The following HOXB3 variants were observed in gnomAD, a reference collection of about 807,000 sequenced individuals.
HOXB3 encodes homeobox protein Hox-B3.
Under a neutral mutation model 29.2 loss-of-function variants are expected in HOXB3, and 17 were observed. The observed-to-expected ratio is 0.58, with a 90% CI of 0.40 to 0.87. HOXB3 has a LOEUF of 0.87. Among genes scored for constraint, HOXB3 ranks in the 40% least tolerant of loss-of-function variants. HOXB3 has a pLI of 0.00. For missense variants in HOXB3, 637 were observed against 616.3 expected, an observed-to-expected ratio of 1.03 and a Z score of -0.35; for synonymous variants, 317 against 285.9, an observed-to-expected ratio of 1.11 and a Z score of -1.10.
intron 1 of HOXB3, among the ~76,000 whole-genome samples, chr17:48,583,609 C>A (rs1567966310): frequency 6.6e-6 from 1 of 152,216 alleles, no homozygotes; most frequent in Non-Finnish European, 1.5e-5. Context: ...CCCCAAGGCA[C>A]CCAGCTTGGT....
chr17:48,566,296 T>C (rs936344128), intron 2 of HOXB3, among the ~76,000 whole-genome samples: 1 of 152,046 alleles, frequency 6.6e-6, no homozygotes, highest in Non-Finnish European at 1.5e-5. Context: ...AGGCATCACA[T>C]GGGGGATTTA....
At chr17:48,561,539 C>T (rs956860541) in intron 2 of HOXB3, among the ~76,000 whole-genome samples, 17 of 152,248 alleles carry the variant, frequency 1.1e-4, no homozygotes, top group African/African-American at 4.1e-4. Context: ...CTTCTATACC[C>T]AGATGCCCAC....
chr17:48,553,143 G>C (rs1308062049), intron 3 of HOXB3: 1 of 152,312 alleles, frequency 6.6e-6, no homozygotes, highest in East Asian at 1.9e-4. Context: ...GGAGAAGCAA[G>C]TTCAGCAGAG....
intron 1 of HOXB3, among the ~76,000 whole-genome samples, chr17:48,586,465 G>C (rs1212973237): frequency 2.6e-5 from 4 of 152,288 alleles, no homozygotes; most frequent in Non-Finnish European, 4.4e-5. Flanking sequence ...CGGTGTGGCC[G>C]GCGGCGCGTA....
At chr17:48,571,383 C>T (rs1209309615) in intron 2 of HOXB3, among the ~76,000 whole-genome samples, 1 of 152,240 alleles carries the variant, frequency 6.6e-6, no homozygotes, top group Non-Finnish European at 1.5e-5. Flanking sequence ...ACTGGGCAAC[C>T]CCCTCTGCCC....
rs749178051 is a variant in HOXB3, at chr17:48,580,316, C to CTTTT, written c.-424-6306_-424-6303dup. 9.2e-3 allele frequency: 926 copies of CTTTT among 101,186 alleles called. 22 individuals carry two copies. Among genetic ancestry groups the CTTTT allele is most frequent in the African/African-American group, 0.032 (797 of 25,288 alleles). The allele number at this position is 101,186 out of a possible 1,614,324, so 6.3% of individuals were successfully genotyped here. A position where few individuals can be genotyped will look rare whatever the true frequency, so the allele number is the denominator to read the frequency against. On this transcript the variant is annotated intron_variant, in intron 1 of 4. Coordinates refer to ENST00000498678, the MANE Select transcript of HOXB3 (RefSeq NM_001384749.1). ...TCGCGCCCCTCCCCTCCCCCCAGGA[C>CTTTT]TTTTTTTTTTTTTTTTTTTTTAGAA...
At chr17:48,565,012 G>C (rs1363322189) in intron 2 of HOXB3, among the ~76,000 whole-genome samples, 1 of 84,936 alleles carries the variant, frequency 1.2e-5, no homozygotes, top group Non-Finnish European at 3.0e-5. Flanking sequence ...GCTTGTTAAG[G>C]CTGGGAGTTT....
intron 3 of HOXB3, 75 bp from the exon 4 acceptor site, chr17:48,552,707 A>AACTG (rs2068813595): frequency 2.2e-6 from 1 of 454,702 alleles, no homozygotes; most frequent in Non-Finnish European, 3.9e-6. Flanking sequence ...CTGAAAAGGG[A>AACTG]ACTGACATCA....
chr17:48,570,008 G>A (rs976514239), intron 2 of HOXB3, among the ~76,000 whole-genome samples: 8 of 152,142 alleles, frequency 5.3e-5, no homozygotes, highest in Admixed American at 1.3e-4. Flanking sequence ...GTCACACCCT[G>A]TCTCATTTCC....
intron 1 of HOXB3, chr17:48,575,853 G>A (rs1013570542): frequency 6.6e-6 from 1 of 152,596 alleles, no homozygotes; most frequent in Non-Finnish European, 1.5e-5. Context: ...TGGCAGAGTA[G>A]TGCCCAGCTC....
At chr17:48,561,638 G>A (rs1406268905) in intron 2 of HOXB3, among the ~76,000 whole-genome samples, 1 of 152,240 alleles carries the variant, frequency 6.6e-6, no homozygotes, top group African/African-American at 2.4e-5. Flanking sequence ...CAGAACAGGA[G>A]AGAAATCAGG....
At chr17:48,584,471 G>C (rs2144914696) in intron 1 of HOXB3, among the ~76,000 whole-genome samples, 1 of 152,316 alleles carries the variant, frequency 6.6e-6, no homozygotes, top group Admixed American at 6.5e-5. Context: ...GTGGAGGATT[G>C]AAAGAGCCAG....
intron 3 of HOXB3, among the ~76,000 whole-genome samples, chr17:48,555,034 C>G (rs1405979856): frequency 2.0e-5 from 3 of 149,238 alleles, no homozygotes; most frequent in East Asian, 4.1e-4. Context: ...CGGCTTCCCC[C>G]CAGGGTCTCG....
At chr17:48,578,558 C>T (rs2069848368) in intron 1 of HOXB3, 1 of 462,110 alleles carries the variant, frequency 2.2e-6, no homozygotes, top group Non-Finnish European at 3.8e-6. Context: ...CCCACCCACC[C>T]ACCCAACACC....
At chr17:48,578,382 T>C (rs1363963976) in intron 1 of HOXB3, 3 of 1,553,948 alleles carry the variant, frequency 1.9e-6, no homozygotes, top group African/African-American at 1.4e-5. Context: ...CTCGTTTTCC[T>C]GTTTCCGAAA....
At chr17:48,572,213 C>G (rs984875287) in intron 2 of HOXB3, among the ~76,000 whole-genome samples, 2 of 152,252 alleles carry the variant, frequency 1.3e-5, no homozygotes, top group African/African-American at 2.4e-5. Context: ...ATAGCCTGCA[C>G]TGATCCTCCT....
At chr17:48,558,514 A>T (rs1387131573) in intron 2 of HOXB3, among the ~76,000 whole-genome samples, 1 of 152,132 alleles carries the variant, frequency 6.6e-6, no homozygotes, top group East Asian at 1.9e-4. Flanking sequence ...AGGCAATTAG[A>T]TCCCAGTTTA....
chr17:48,558,108 G>C (rs1368042949), intron 2 of HOXB3, among the ~76,000 whole-genome samples: 3 of 152,194 alleles, frequency 2.0e-5, no homozygotes, highest in Admixed American at 1.3e-4. Context: ...CTATCATTGG[G>C]TTAGAGAAGG....
Position 48,576,784 on chromosome 17 carries a change from C to T in HOXB3, c.-424-2770G>A, listed in dbSNP as rs2069779450. 5 of 1,614,046 alleles carry T rather than the reference C, an allele frequency of 3.1e-6. No individual in the cohort carries two copies. The South Asian group carries it at 4.4e-5, about 14-fold the overall frequency. ...GGCCCTCCGGCTGAGCCTGCCGCAC[C>T]ACCCGAGCGGATCTTGGTGTTGGGC... is the stretch of plus-strand genomic sequence containing the variant. On this transcript the variant is annotated intron_variant, in intron 1 of 4. Coordinates refer to ENST00000498678, the MANE Select transcript of HOXB3 (RefSeq NM_001384749.1).
Sources: allele counts gnomAD v4.1 joint callset (sites outside exome capture counted in the v4.1 genomes callset), GRCh38; gene constraint gnomAD v4.1.1; transcripts MANE v1.5; gene names NCBI Gene and HGNC (gene_info 2026-07-23, HGNC 2026-07-21).